PLD1: variants seen among roughly 807,000 people sequenced by gnomAD.
PLD1 encodes the protein phospholipase D1.
Under a neutral mutation model 137.1 loss-of-function variants are expected in PLD1, and 112 were observed. The ratio of observed to expected loss-of-function variants is 0.82; its 90% CI spans 0.70 to 0.96. The LOEUF is 0.96. Among genes scored for constraint, PLD1 ranks in the 40% least tolerant of loss-of-function variants. The probability of loss-of-function intolerance (pLI) is 0.00; values close to 1 mark genes in which losing one functional copy is unlikely to be tolerated. For missense variants in PLD1, 1,321 were observed against 1,342.0 expected, an observed-to-expected ratio of 0.98 and a Z score of 0.24; for synonymous variants, 431 against 454.7, an observed-to-expected ratio of 0.95 and a Z score of 0.66.
At chr3:171,807,019 A>C (rs1425859298) in intron 1 of PLD1, among the ~76,000 whole-genome samples, 1 of 152,210 alleles carries the variant, frequency 6.6e-6, no homozygotes, top group East Asian at 1.9e-4. Context: ...TTAAAAGTGC[A>C]TTTCTCAGCT....
chr3:171,607,587 G>A (rs1278321860), intron 25 of PLD1, among the ~76,000 whole-genome samples: 1 of 152,086 alleles, frequency 6.6e-6, no homozygotes, highest in African/African-American at 2.4e-5. Flanking sequence ...GAGGACTAAA[G>A]TTTGAGAGAA....
intron 21 of PLD1, among the ~76,000 whole-genome samples, chr3:171,656,860 G>A (rs1737247273): frequency 6.6e-6 from 1 of 152,226 alleles, no homozygotes; most frequent in Non-Finnish European, 1.5e-5. Context: ...TCCTCCATAG[G>A]TGAAAGGGAC....
At chr3:171,730,827 T>A (rs9830433) in intron 6 of PLD1, among the ~76,000 whole-genome samples, 1 of 151,742 alleles carries the variant, frequency 6.6e-6, no homozygotes, top group East Asian at 1.9e-4. Context: ...TTAGTAGAGA[T>A]GAGGTTTCAC....
chr3:171,688,483 C>T (rs1429807185), intron 14 of PLD1, among the ~76,000 whole-genome samples, 193 bp downstream of exon 14: 1 of 152,176 alleles, frequency 6.6e-6, no homozygotes, highest in Admixed American at 6.5e-5. Context: ...CTCAGCAATG[C>T]TAAGTTACAG....
chr3:171,770,650 G>A (rs1722282155), intron 1 of PLD1, among the ~76,000 whole-genome samples: 1 of 152,106 alleles, frequency 6.6e-6, no homozygotes, highest in Non-Finnish European at 1.5e-5. Context: ...GGGAGGACAA[G>A]GCAGGCAAAT....
At chr3:171,739,893 G>GT (rs1413785864) in intron 1 of PLD1, among the ~76,000 whole-genome samples, 1 of 152,146 alleles carries the variant, frequency 6.6e-6, no homozygotes, top group East Asian at 1.9e-4. Context: ...TTGTAGATAT[G>GT]TAAGTGCTTT....
In PLD1 at chr3:171,600,593, A is replaced by T. The variant is rs2108238497; in HGVS notation, c.*2485T>A. The T allele has an allele frequency of 6.6e-6, 1 of 152,162 alleles. No individual in the cohort carries two copies. The highest frequency in any genetic ancestry group is 2.4e-5 in the African/African-American group (1 of 41,514). The allele number at this position is 152,162 out of a possible 1,614,324, so 9.4% of individuals were successfully genotyped here. On this transcript the variant is annotated 3_prime_UTR_variant, in exon 27 of 27. Transcript: ENST00000351298. ...TCAGAGAATGACAGGTAATTAAGTC[A>T]TACAGTACATCTTGTGTCCACATTT...
At chr3:171,625,496 G>C (rs1386018783) in intron 23 of PLD1, among the ~76,000 whole-genome samples, 4 of 152,222 alleles carry the variant, frequency 2.6e-5, no homozygotes, top group Non-Finnish European at 4.4e-5. Flanking sequence ...GCTTTGAAGA[G>C]AGCAGTGGTT....
At chr3:171,710,351 A>G (rs1016270673) in intron 9 of PLD1, among the ~76,000 whole-genome samples, 2 of 152,022 alleles carry the variant, frequency 1.3e-5, no homozygotes, top group Non-Finnish European at 2.9e-5. Context: ...GTGGTCCCCA[A>G]CTTTTTTGGT....
In PLD1 at chr3:171,664,910, C is replaced by T. The variant is rs371256104; in HGVS notation, c.2230-2740G>A. Among the ~76,000 whole-genome samples, 4 of 152,152 alleles carry T rather than the reference C, an allele frequency of 2.6e-5. No homozygotes were observed. The East Asian group carries it at 5.8e-4, about 22-fold the overall frequency. ...GTGAAGAAAAAAATGGCATAACAAA[C>T]ACAAAGTGATAATAATGGTATGTGG... On this transcript the variant is annotated intron_variant, in intron 19 of 26. Coordinates refer to ENST00000351298, the MANE Select transcript of PLD1 (RefSeq NM_002662.5).
intron 9 of PLD1, among the ~76,000 whole-genome samples, chr3:171,710,530 A>T (rs1398019752): frequency 1.3e-5 from 2 of 152,116 alleles, no homozygotes; most frequent in Admixed American, 6.5e-5. Context: ...CTTCTGTGAG[A>T]ATCTGATGCT....
chr3:171,745,956 G>A (rs572830479), intron 1 of PLD1, among the ~76,000 whole-genome samples: 6 of 152,264 alleles, frequency 3.9e-5, no homozygotes, highest in Non-Finnish European at 5.9e-5. Context: ...CTGGGTGGGC[G>A]TGGGCTCGGC....
chr3:171,718,600 T>C (rs534307180), intron 8 of PLD1, among the ~76,000 whole-genome samples: 11 of 152,272 alleles, frequency 7.2e-5, no homozygotes, highest in African/African-American at 9.6e-5. Context: ...CTCAGGAATA[T>C]ATAAATCAAG....
In PLD1 at chr3:171,664,788, C is replaced by T. The variant is rs374566299; in HGVS notation, c.2230-2618G>A. Among the ~76,000 whole-genome samples, 6 of 152,192 alleles carry T rather than the reference C, an allele frequency of 3.9e-5. No individual in the cohort carries two copies. The South Asian group carries it at 1.2e-3, about 32-fold the overall frequency. On this transcript the variant is annotated intron_variant, in intron 19 of 26. Coordinates refer to ENST00000351298, the MANE Select transcript of PLD1 (RefSeq NM_002662.5). ...TCTCCATGATGTTTAAATGACTTGTCCAAGGTGTAAGAGAATTTACATATA... is the reference window on the plus strand; with the variant it reads ...TCTCCATGATGTTTAAATGACTTGTTCAAGGTGTAAGAGAATTTACATATA...
intron 16 of PLD1, among the ~76,000 whole-genome samples, chr3:171,678,699 T>TGAG (rs1335467372): frequency 1.1e-4 from 17 of 152,330 alleles, no homozygotes; most frequent in African/African-American, 4.1e-4. Flanking sequence ...CACTCTTTGC[T>TGAG]TAAAACCCTG....
rs150396201 is a variant in PLD1, at chr3:171,646,410, C to T, written c.2430-1387G>A. On this transcript the variant is annotated intron_variant, in intron 21 of 26. Transcript: ENST00000351298. The stretch of plus-strand genomic sequence containing the variant: ...ATTTTATTACTGATGTCTCTAAAGT[C>T]GATGTCAGGGCAAGTGGAAAGAGAA... Among the ~76,000 whole-genome samples, 12 of 152,140 alleles carry T rather than the reference C, an allele frequency of 7.9e-5. No individual in the cohort carries two copies. The East Asian group carries it at 1.9e-3, about 24-fold the overall frequency.
intron 23 of PLD1, among the ~76,000 whole-genome samples, chr3:171,622,745 T>C (rs954576443): frequency 6.6e-6 from 1 of 151,046 alleles, no homozygotes; most frequent in African/African-American, 2.4e-5. Flanking sequence ...AGAGAAATCA[T>C]ATAAAAAGTA....
At chr3:171,655,747 A>G (rs551731017) in intron 21 of PLD1, among the ~76,000 whole-genome samples, 1 of 152,210 alleles carries the variant, frequency 6.6e-6, no homozygotes, top group Non-Finnish European at 1.5e-5. Flanking sequence ...CAATTAACAT[A>G]GGGAGATTAA....
Position 171,687,493 on chromosome 3 carries a change from A to C in PLD1, c.1631T>G (p.Val544Gly). ...TCCTATTCCTTTCAGTTTTGAATCC[A>C]CATCATCAATACTCTTCTGGATGGG... ...NLPIQKSIDD[V>G]DSKLKGIGKP... Residue 544 changes from valine to glycine, a missense_variant, in exon 15 of 27, where the codon GTG (valine) becomes GGG (glycine). By Grantham distance (109) the Val-to-Gly change is moderately radical. Coordinates refer to ENST00000351298, the MANE Select transcript of PLD1 (RefSeq NM_002662.5). The C allele has an allele frequency of 1.2e-6, 2 of 1,613,954 alleles. No individual in the cohort carries two copies. Among genetic ancestry groups the C allele is most frequent in the Non-Finnish European group, 1.7e-6 (2 of 1,179,820 alleles).
Sources: gnomAD v4.1 joint callset for allele counts (sites outside exome capture counted in the v4.1 genomes callset) on GRCh38, gnomAD v4.1.1 for gene constraint, MANE v1.5 for transcripts, NCBI Gene and HGNC (gene_info 2026-07-23, HGNC 2026-07-21) for gene names.